Variants in DGKB observed in about 807,000 individuals in gnomAD.
DGKB encodes the protein 90 kDa diacylglycerol kinase.
Under a neutral mutation model 114.3 loss-of-function variants are expected in DGKB, and 67 were observed. The ratio of observed to expected loss-of-function variants is 0.59; its 90% CI spans 0.48 to 0.72. The LOEUF (loss-of-function observed/expected upper bound fraction) is 0.72, where lower values mean the gene tolerates loss of function less well. Among genes scored for constraint, DGKB ranks in the 30% least tolerant of loss-of-function variants. The pLI, the probability that DGKB is intolerant of heterozygous loss-of-function variation, is 0.00. For synonymous variants in DGKB, 398 were observed against 323.1 expected, an observed-to-expected ratio of 1.23 and a Z score of -2.49; for missense variants, 907 against 975.2, an observed-to-expected ratio of 0.93 and a Z score of 0.93.
chr7:14,183,374 G>A (rs1782920135), intron 23 of DGKB, among the ~76,000 whole-genome samples: 1 of 152,146 alleles, frequency 6.6e-6, no homozygotes, highest in Non-Finnish European at 1.5e-5. Context: ...AATTTTAAAA[G>A]GGGGTGGGTA....
chr7:14,474,671 T>C (rs1323266864), intron 21 of DGKB, among the ~76,000 whole-genome samples: 1 of 152,132 alleles, frequency 6.6e-6, no homozygotes, highest in Non-Finnish European at 1.5e-5. Flanking sequence ...AGGAAGTATT[T>C]AAAGTCATCT....
chr7:14,941,381 C>T (rs569599948), intron 1 of DGKB, among the ~76,000 whole-genome samples: 1 of 152,090 alleles, frequency 6.6e-6, no homozygotes, highest in African/African-American at 2.4e-5. Context: ...TTTTGGGATC[C>T]AGCTAATTAA....
At chr7:14,178,769 T>C (rs1224395098) in intron 23 of DGKB, among the ~76,000 whole-genome samples, 1 of 152,160 alleles carries the variant, frequency 6.6e-6, no homozygotes, top group African/African-American at 2.4e-5. Context: ...AAATACTGTT[T>C]GGTAGTATAC....
chr7:14,828,828 G>A (rs1033721787), intron 2 of DGKB, among the ~76,000 whole-genome samples: 1 of 152,072 alleles, frequency 6.6e-6, no homozygotes, highest in Non-Finnish European at 1.5e-5. Flanking sequence ...TTCCCACAGT[G>A]ATTATTGACA....
intron 23 of DGKB, among the ~76,000 whole-genome samples, chr7:14,269,430 C>G (rs1346013117): frequency 6.6e-6 from 1 of 152,174 alleles, no homozygotes; most frequent in Non-Finnish European, 1.5e-5. Context: ...CAAGAATCAA[C>G]TTAAATGGTC....
At chr7:14,880,637 G>A (rs558382880) in intron 1 of DGKB, among the ~76,000 whole-genome samples, 9 of 152,210 alleles carry the variant, frequency 5.9e-5, no homozygotes, top group African/African-American at 2.2e-4. Context: ...CTTTGAGCAG[G>A]GAAGCTGAGA....
At chr7:14,443,383 A>G (rs1012402035) in intron 21 of DGKB, among the ~76,000 whole-genome samples, 1 of 152,170 alleles carries the variant, frequency 6.6e-6, no homozygotes, top group East Asian at 1.9e-4. Context: ...TCTCGTAAGC[A>G]AAACCTTTTA....
At chr7:14,334,195 A>T (rs1171452088) in intron 23 of DGKB, among the ~76,000 whole-genome samples, 1 of 152,102 alleles carries the variant, frequency 6.6e-6, no homozygotes, top group Non-Finnish European at 1.5e-5. Context: ...TGGCCTTTTA[A>T]TTGCATGTGG....
intron 21 of DGKB, among the ~76,000 whole-genome samples, chr7:14,406,813 T>C (rs1159819027): frequency 2.0e-5 from 3 of 152,140 alleles, no homozygotes; most frequent in Non-Finnish European, 2.9e-5. Context: ...TCAAGTTATA[T>C]ACAATTTTCT....
At chr7:14,698,625 T>G (rs937359829) in intron 7 of DGKB, among the ~76,000 whole-genome samples, 1 of 152,100 alleles carries the variant, frequency 6.6e-6, no homozygotes, top group Non-Finnish European at 1.5e-5. Context: ...AGTCATGTAT[T>G]GAATAATTTG....
chr7:14,275,484 C>G (rs566861837), intron 23 of DGKB, among the ~76,000 whole-genome samples: 27 of 152,208 alleles, frequency 1.8e-4, no homozygotes, highest in South Asian at 1.5e-3. Flanking sequence ...CTTCTAATAG[C>G]TTTTCATGCA....
intron 1 of DGKB, among the ~76,000 whole-genome samples, chr7:14,874,844 T>C (rs1441226190): frequency 6.6e-6 from 1 of 152,072 alleles, no homozygotes; most frequent in African/African-American, 2.4e-5. Context: ...GATCACATAG[T>C]CCCCTGCATG....
chr7:14,625,397 T>C (rs1808395477), intron 14 of DGKB, among the ~76,000 whole-genome samples: 1 of 152,166 alleles, frequency 6.6e-6, no homozygotes, highest in Admixed American at 6.5e-5. Flanking sequence ...GGCAACTGTA[T>C]CCTCAAAAAA....
intron 21 of DGKB, among the ~76,000 whole-genome samples, chr7:14,348,337 T>G (rs1455208581): frequency 6.6e-6 from 1 of 152,080 alleles, no homozygotes; most frequent in Non-Finnish European, 1.5e-5. Flanking sequence ...CTTTTATCAC[T>G]GAGTAGTAGT....
intron 2 of DGKB, among the ~76,000 whole-genome samples, chr7:14,812,632 G>A (rs2128083770): frequency 6.6e-6 from 1 of 152,116 alleles, no homozygotes; most frequent in East Asian, 1.9e-4. Context: ...AGCTCCCAGG[G>A]TCCCAGATAA....
chr7:14,819,522 G>A (rs576882793), intron 2 of DGKB, among the ~76,000 whole-genome samples: 132 of 152,178 alleles, frequency 8.7e-4, no homozygotes, highest in African/African-American at 3.0e-3. Flanking sequence ...CCTGGGAGGC[G>A]GAGGTTGCAG....
chr7:14,340,379 C>G (rs1811414172), intron 22 of DGKB, among the ~76,000 whole-genome samples: 1 of 151,426 alleles, frequency 6.6e-6, no homozygotes, highest in South Asian at 2.1e-4. Context: ...TGTGTCAGGC[C>G]TCCCACTGTC....
chr7:14,394,250 T>G (rs1320261929), intron 21 of DGKB, among the ~76,000 whole-genome samples: 4 of 152,210 alleles, frequency 2.6e-5, no homozygotes, highest in Non-Finnish European at 5.9e-5. Flanking sequence ...TACCAAAGCA[T>G]CGTTAAAGAC....
At chr7:14,416,382 A>T (rs1234587287) in intron 21 of DGKB, among the ~76,000 whole-genome samples, 3 of 152,086 alleles carry the variant, frequency 2.0e-5, no homozygotes, top group Non-Finnish European at 2.9e-5. Context: ...GAACTTTGTA[A>T]AATGTATGCT....
Sources: allele counts gnomAD v4.1 joint callset (sites outside exome capture counted in the v4.1 genomes callset), GRCh38; gene constraint gnomAD v4.1.1; transcripts MANE v1.5; gene names NCBI Gene and HGNC (gene_info 2026-07-23, HGNC 2026-07-21).